Variants in NPAS3 observed in about 807,000 individuals in gnomAD.
The protein encoded by NPAS3 is neuronal PAS domain protein 3.
A neutral mutation model predicts 73.1 loss-of-function variants in NPAS3; 14 were observed. The observed-to-expected ratio is 0.19, with a 90% CI of 0.13 to 0.30. NPAS3 has a LOEUF of 0.30. NPAS3 is among the 10% of genes least tolerant of loss of function. The pLI, the probability that NPAS3 is intolerant of heterozygous loss-of-function variation, is 1.00. For synonymous variants in NPAS3, 620 were observed against 541.5 expected (o/e 1.14, Z -2.01); for missense variants, 1,096 against 1,250.0 (o/e 0.88, Z 1.86).
intron 9 of NPAS3, among the ~76,000 whole-genome samples, chr14:33,788,647 T>C (rs1356038422): frequency 6.6e-6 from 1 of 152,218 alleles, no homozygotes; most frequent in Non-Finnish European, 1.5e-5. Context: ...TCTCTTTTTT[T>C]CTCCATATTT....
At chr14:33,731,418 C>CAT (rs2061396013) in intron 6 of NPAS3, among the ~76,000 whole-genome samples, 1 of 53,186 alleles carries the variant, frequency 1.9e-5, no homozygotes, top group Non-Finnish European at 4.4e-5. Context: ...GACCCTGTCT[C>CAT]ATTTGAAAAA....
At chr14:33,173,771 C>T (rs2045483421) in intron 2 of NPAS3, among the ~76,000 whole-genome samples, 1 of 152,106 alleles carries the variant, frequency 6.6e-6, no homozygotes, top group Non-Finnish European at 1.5e-5. Context: ...GATGTTTTAA[C>T]CTCCCTTTCA....
At chr14:33,519,019 C>T (rs1247209777) in intron 4 of NPAS3, among the ~76,000 whole-genome samples, 1 of 152,124 alleles carries the variant, frequency 6.6e-6, no homozygotes, top group African/African-American at 2.4e-5. Context: ...GGTAGACTTT[C>T]TGACTCCCTA....
At chr14:33,745,163 C>T (rs138575188) in intron 7 of NPAS3, among the ~76,000 whole-genome samples, 3 of 151,970 alleles carry the variant, frequency 2.0e-5, no homozygotes, top group East Asian at 1.9e-4. Context: ...GCAGGAGGAT[C>T]GCTCAAGCCC....
At chr14:33,498,935 A>AGTGT (rs3058422) in intron 4 of NPAS3, among the ~76,000 whole-genome samples, 4,409 of 94,784 alleles carry the variant, frequency 0.047, 97 homozygotes, top group Non-Finnish European at 0.062. Context: ...ACAGAGAGAG[A>AGTGT]GTGTGTGTGT....
chr14:33,367,340 A>G, intron 4 of NPAS3, 72 bp downstream of exon 4: 1 of 706,474 alleles, frequency 1.4e-6, no homozygotes, highest in Non-Finnish European at 2.4e-6. Flanking sequence ...CTTTTTTTTA[A>G]AGAATTTTTT....
At chr14:32,967,389 C>T (rs1959167) in intron 1 of NPAS3, among the ~76,000 whole-genome samples, 6,611 of 152,180 alleles carry the variant, frequency 0.043, 218 homozygotes, top group African/African-American at 0.093. Flanking sequence ...GTAGTTAAGT[C>T]TTTGGAGAGT....
intron 2 of NPAS3, among the ~76,000 whole-genome samples, chr14:33,148,200 C>A (rs2044317072): frequency 6.6e-6 from 1 of 152,010 alleles, no homozygotes; most frequent in African/African-American, 2.4e-5. Context: ...AAAAATGAGG[C>A]TTTATTTTAG....
rs778599169 is a variant in NPAS3 at position 33,800,227 on chromosome 14, C to T, written c.1920C>T (p.Pro640=). The T allele has an allele frequency of 3.5e-5, 56 of 1,612,832 alleles. No homozygotes were observed. The East Asian group carries it at 1.1e-3, about 31-fold the overall frequency. The change falls in exon 12 of 12, where the codon CCC becomes CCT. Residue 640 remains proline, a synonymous_variant. Transcript: ENST00000356141. This position sits in a 1 kb window ranked among gnomAD's most constrained non-coding sequence, Gnocchi z 6.5. ...AGCCCCCGCGGCTGCTGTCCTCCCC[C>T]AACAGTGCCTCGGTGCTCAAGATCA...
At chr14:33,463,839 AC>A (rs2139527698) in intron 4 of NPAS3, among the ~76,000 whole-genome samples, 1 of 152,322 alleles carries the variant, frequency 6.6e-6, no homozygotes, top group South Asian at 2.1e-4. Flanking sequence ...ATGTGAGGTG[AC>A]CCATGGATTT....
intron 7 of NPAS3, among the ~76,000 whole-genome samples, chr14:33,767,522 T>C (rs2062502100): frequency 6.6e-6 from 1 of 151,522 alleles, no homozygotes; most frequent in South Asian, 2.1e-4. Flanking sequence ...GGAAGCTTAA[T>C]TTTTAAGGTA....
chr14:33,736,667 G>A (rs113599869), intron 7 of NPAS3, among the ~76,000 whole-genome samples: 3,169 of 152,254 alleles, frequency 0.021, 38 homozygotes, highest in Middle Eastern at 0.044. Context: ...ATGCTAGAAA[G>A]ACACATTCTT....
intron 3 of NPAS3, among the ~76,000 whole-genome samples, chr14:33,283,517 C>A (rs1340173686): frequency 6.6e-6 from 1 of 152,216 alleles, no homozygotes; most frequent in Non-Finnish European, 1.5e-5. Context: ...ACAAATGACA[C>A]TTCAACAAGT....
intron 1 of NPAS3, among the ~76,000 whole-genome samples, chr14:33,024,623 G>A (rs546127236): frequency 1.3e-5 from 2 of 152,274 alleles, no homozygotes; most frequent in African/African-American, 4.8e-5. Flanking sequence ...ACCGTATAAT[G>A]TTAAGTGAAA....
chr14:32,986,301 A>G (rs915090744), intron 1 of NPAS3, among the ~76,000 whole-genome samples: 3 of 152,224 alleles, frequency 2.0e-5, no homozygotes, highest in African/African-American at 7.2e-5. Context: ...ATTATGATTC[A>G]GCGTATTTTA....
intron 4 of NPAS3, among the ~76,000 whole-genome samples, chr14:33,382,254 A>G (rs552224188): frequency 4.7e-4 from 71 of 152,228 alleles, no homozygotes; most frequent in African/African-American, 1.7e-3. Context: ...AAAAAAATCC[A>G]GGTTTTATTT....
chr14:33,465,282 A>G (rs558829065), intron 4 of NPAS3, among the ~76,000 whole-genome samples: 2 of 152,314 alleles, frequency 1.3e-5, no homozygotes, highest in South Asian at 4.1e-4. Context: ...AGCCCCATAC[A>G]TTAAAGTATT....
chr14:33,623,160 A>C (rs2058125903), intron 5 of NPAS3, among the ~76,000 whole-genome samples: 1 of 152,224 alleles, frequency 6.6e-6, no homozygotes, highest in South Asian at 2.1e-4. Context: ...AGTCTGATCC[A>C]TCCAACTATA....
At chr14:33,625,057 AC>A (rs1442716626) in intron 5 of NPAS3, among the ~76,000 whole-genome samples, 1 of 152,184 alleles carries the variant, frequency 6.6e-6, no homozygotes, top group Admixed American at 6.5e-5. Flanking sequence ...TCTTAGTGTA[AC>A]ATGACCTTTT....
Sources: allele counts gnomAD v4.1 joint callset (sites outside exome capture counted in the v4.1 genomes callset), GRCh38; gene constraint gnomAD v4.1.1; non-coding constraint Gnocchi (gnomAD v3.1); transcripts MANE v1.5; gene names NCBI Gene and HGNC (gene_info 2026-07-23, HGNC 2026-07-21).